Variants in ECM2 observed in about 807,000 individuals in gnomAD.
ECM2 encodes the protein extracellular matrix protein 2, also known as extracellular matrix protein 2, female organ and adipocyte specific.
ECM2 carries 57 observed loss-of-function variants against 67.5 expected under a neutral mutation model. The ratio of observed to expected loss-of-function variants is 0.84; its 90% CI spans 0.68 to 1.05. ECM2 has a LOEUF of 1.05. Among genes scored for constraint, ECM2 ranks in the 50% least tolerant of loss-of-function variants. The probability of loss-of-function intolerance (pLI) is 0.00; values close to 1 mark genes in which losing one functional copy is unlikely to be tolerated. For synonymous variants in ECM2, 258 were observed against 294.5 expected, an observed-to-expected ratio of 0.88 and a Z score of 1.27; for missense variants, 741 against 822.8, an observed-to-expected ratio of 0.90 and a Z score of 1.22.
chr9:92,494,076 A>T, downstream of ECM2: 1 of 1,596,948 alleles, frequency 6.3e-7, no homozygotes, highest in Non-Finnish European at 8.5e-7. Context: ...TTTCCTGCTT[A>T]TTGCCTCTAC....
At chr9:92,515,960 G>T (rs1338035780) in intron 3 of ECM2, among the ~76,000 whole-genome samples, 1 of 152,058 alleles carries the variant, frequency 6.6e-6, no homozygotes, top group African/African-American at 2.4e-5. Context: ...TTTATATTTA[G>T]CTGTTAAGTC....
At chr9:92,543,098 A>G in the ECM2 span, among the ~76,000 whole-genome samples, 2 of 152,092 alleles carry the variant, frequency 1.3e-5, no homozygotes, top group Non-Finnish European at 2.9e-5. Context: ...TGCCAGTACT[A>G]TGCTGTTTGG....
chr9:92,502,987 T>C (rs535417615), intron 7 of ECM2, among the ~76,000 whole-genome samples: 22 of 152,114 alleles, frequency 1.4e-4, no homozygotes, highest in Non-Finnish European at 1.0e-4. Flanking sequence ...TTTGTATTTT[T>C]TGTAGAGACA....
the ECM2 span, among the ~76,000 whole-genome samples, chr9:92,555,521 G>T: frequency 1.3e-5 from 2 of 151,946 alleles, no homozygotes; most frequent in African/African-American, 4.8e-5. Context: ...GAACCACTGC[G>T]CCTGGCCAGT....
chr9:92,531,054 T>G (rs1313888867), intron 1 of ECM2, among the ~76,000 whole-genome samples: 1 of 152,188 alleles, frequency 6.6e-6, no homozygotes, highest in Admixed American at 6.5e-5. Context: ...TAGTGGCATA[T>G]TGTGGAGTTT....
At chr9:92,547,763 A>C in the ECM2 span, among the ~76,000 whole-genome samples, 11 of 152,218 alleles carry the variant, frequency 7.2e-5, no homozygotes, top group African/African-American at 2.7e-4. Flanking sequence ...TATACTAAAA[A>C]CCATGGAATT....
Position 92,495,407 on chromosome 9 carries a change from T to G in ECM2, c.*908A>C, listed in dbSNP as rs1024453606. The G allele has an allele frequency of 1.0e-6, 1 of 985,054 alleles. No homozygotes were observed. Among genetic ancestry groups the G allele is most frequent in the Non-Finnish European group, 1.2e-6 (1 of 829,712 alleles). 61.0% of individuals were successfully genotyped at this position (985,054 alleles called of 1,614,324 possible). On this transcript the variant is annotated 3_prime_UTR_variant, in exon 10 of 10. Coordinates refer to ENST00000344604, the MANE Select transcript of ECM2 (RefSeq NM_001393.4). ...CAATTGAACCGAATAAAATGATGTA[T>G]TTCAGTAAATTAAGGCAAAGGAGAT...
chr9:92,520,085 C>T lies in ECM2; in HGVS notation c.293-2210G>A, dbSNP rs535847576. 1.6e-3 allele frequency among the ~76,000 whole-genome samples: 138 copies of T among 87,820 alleles called. 11 individuals carry two copies. Among genetic ancestry groups the T allele is most frequent in the Non-Finnish European group, 2.1e-3 (94 of 45,148 alleles). The allele number at this position is 87,820 out of a possible 152,430, so 57.6% of individuals were successfully genotyped here. A position where few individuals can be genotyped will look rare whatever the true frequency, so the allele number is the denominator to read the frequency against. On this transcript the variant is annotated intron_variant, in intron 2 of 9. Coordinates refer to ENST00000344604, the MANE Select transcript of ECM2 (RefSeq NM_001393.4). ...TTTCTTGAGGCCAGGAATTTGAGAA[C>T]GGCTTGGACAACATAATGGGATGCT...
At chr9:92,554,042 G>A in the ECM2 span, among the ~76,000 whole-genome samples, 2 of 152,286 alleles carry the variant, frequency 1.3e-5, no homozygotes, top group East Asian at 3.9e-4. Context: ...TTGGCTGTGG[G>A]TTTGTCGTAG....
intron 9 of ECM2, among the ~76,000 whole-genome samples, chr9:92,499,407 T>C (rs73520594): frequency 6.6e-6 from 1 of 152,262 alleles, no homozygotes; most frequent in African/African-American, 2.4e-5. Flanking sequence ...ATGAGAAGCA[T>C]GGCAAAAATA....
upstream of ECM2, among the ~76,000 whole-genome samples, chr9:92,539,982 T>C (rs1849280118): frequency 6.6e-6 from 1 of 152,164 alleles, no homozygotes; most frequent in Non-Finnish European, 1.5e-5. Context: ...CAGAAATATA[T>C]AAAATGCCCA....
the ECM2 span, among the ~76,000 whole-genome samples, chr9:92,552,992 A>T: frequency 6.6e-6 from 1 of 151,186 alleles, no homozygotes; most frequent in Non-Finnish European, 1.5e-5. Context: ...TTTTAAGCCA[A>T]TGTCTAGAAG....
rs1320559248 is a variant in ECM2, at chr9:92,522,843, AC to A, written c.23del (p.Cys8PhefsTer31). MKIAVLF[C>X]FFLLIIFQTD... ...TTTGAAAAATGATAAGCAGAAAAAA[AC>A]AAAACAAAACTGCAATCTTCATGTT... is the stretch of plus-strand genomic sequence containing the variant. On this transcript the variant is annotated frameshift_variant, in exon 2 of 10. Transcript: ENST00000344604. LOFTEE classifies it high-confidence loss of function. 7 of 1,606,358 alleles carry A rather than the reference AC, an allele frequency of 4.4e-6. No homozygotes were observed. Among genetic ancestry groups the A allele is most frequent in the Admixed American group, 1.7e-5 (1 of 59,092 alleles).
At chr9:92,546,898 A>G in the ECM2 span, among the ~76,000 whole-genome samples, 35 of 152,320 alleles carry the variant, frequency 2.3e-4, 1 homozygote, top group African/African-American at 8.4e-4. Flanking sequence ...CACAAGAGAT[A>G]CCACAGGTCT....
intron 6 of ECM2, among the ~76,000 whole-genome samples, chr9:92,507,559 G>T (rs1349987482): frequency 2.6e-5 from 4 of 152,206 alleles, no homozygotes; most frequent in Non-Finnish European, 5.9e-5. Flanking sequence ...GATGTTGAAA[G>T]GATTCATGGA....
At chr9:92,557,625 C>T in the ECM2 span, among the ~76,000 whole-genome samples, 1 of 152,186 alleles carries the variant, frequency 6.6e-6, no homozygotes, top group Non-Finnish European at 1.5e-5. Flanking sequence ...CTGAGACTTT[C>T]CAGAGCATTT....
downstream of ECM2, chr9:92,494,273 GT>G: frequency 1.2e-6 from 1 of 840,034 alleles, no homozygotes; most frequent in Non-Finnish European, 1.8e-6. Context: ...TACTAATTTT[GT>G]TTACAGCTTA....
In ECM2 at chr9:92,500,923, T is replaced by C. The variant is rs1281925022; in HGVS notation, c.1735A>G (p.Met579Val). 1 of 1,614,056 alleles carries C rather than the reference T, an allele frequency of 6.2e-7. No individual in the cohort carries two copies. The highest frequency in any genetic ancestry group is 8.5e-7 in the Non-Finnish European group (1 of 1,180,028). Reference sequence around the variant, plus strand: ...TACAAGTATTCCAGGCCTGGTTCCATGTGGCCAAACACATAGCCAGGGATC... The same window carrying C: ...TACAAGTATTCCAGGCCTGGTTCCACGTGGCCAAACACATAGCCAGGGATC... Reference protein sequence around the residue: ...ERIPGYVFGHMEPGLEYLYLS... With the variant: ...ERIPGYVFGHVEPGLEYLYLS... The change falls in exon 9 of 10, where the codon ATG (methionine) becomes GTG (valine). Residue 579 changes from methionine (M) to valine (V), a missense_variant. Met to Val is a conservative substitution (Grantham distance 21). Transcript: ENST00000344604.
At chr9:92,518,400 C>T (rs1163139777) in intron 2 of ECM2, among the ~76,000 whole-genome samples, 1 of 152,128 alleles carries the variant, frequency 6.6e-6, no homozygotes, top group Non-Finnish European at 1.5e-5. Flanking sequence ...AGCCGCCAGC[C>T]AATCCAGTTC....
Sources: allele counts gnomAD v4.1 joint callset (sites outside exome capture counted in the v4.1 genomes callset), GRCh38; gene constraint gnomAD v4.1.1; transcripts MANE v1.5; gene names NCBI Gene and HGNC (gene_info 2026-07-23, HGNC 2026-07-21).